KLK8: variants seen among roughly 807,000 people sequenced by gnomAD.
KLK8 encodes kallikrein related peptidase 8.
In KLK8, 18 loss-of-function variants were observed where a neutral mutation model predicts 26.7. The observed-to-expected ratio is 0.67, with a 90% CI of 0.47 to 1.00. The LOEUF (loss-of-function observed/expected upper bound fraction) is 1.00, where lower values mean the gene tolerates loss of function less well. Ranked by LOEUF, KLK8 falls within the 50% of genes least tolerant of loss-of-function variation. The probability of loss-of-function intolerance (pLI) is 0.00; values close to 1 mark genes in which losing one functional copy is unlikely to be tolerated. For synonymous variants in KLK8, 137 were observed against 127.1 expected, an observed-to-expected ratio of 1.08 and a Z score of -0.52; for missense variants, 301 against 331.7, an observed-to-expected ratio of 0.91 and a Z score of 0.72.
intron 5 of KLK8, 132 bp from the exon 5 acceptor site, chr19:50,998,016 CTG>C: frequency 9.2e-7 from 1 of 1,092,266 alleles, no homozygotes; most frequent in Admixed American, 1.9e-5. Flanking sequence ...TTTTCTGACA[CTG>C]TGCACAGGGG....
chr19:51,000,472 A>G, exon 4 of KLK8: 1 of 1,613,714 alleles, frequency 6.2e-7, no homozygotes, highest in Non-Finnish European at 8.5e-7. Flanking sequence ...ACCTACAAGG[A>G]CACCGCCACA....
intron 6 of KLK8, among the ~76,000 whole-genome samples, chr19:50,997,124 G>A (rs1397431573): frequency 6.6e-6 from 1 of 152,166 alleles, no homozygotes; most frequent in Non-Finnish European, 1.5e-5. Flanking sequence ...TCCAGGAAGT[G>A]GACAAAGCCA....
chr19:51,000,756 T>G, intron 3 of KLK8, 173 bp from the exon 3 acceptor site: 1 of 1,513,952 alleles, frequency 6.6e-7, no homozygotes, highest in East Asian at 2.3e-5. Context: ...CCATGTGTCA[T>G]CATACAAGAG....
At chr19:50,998,096 G>A in intron 5 of KLK8, 1 of 554,816 alleles carries the variant, frequency 1.8e-6, no homozygotes. Context: ...TCTAGAGAGG[G>A]GCCCTTGGAT....
In KLK8 at chr19:50,999,583, C is replaced by CAAAAAAAAAAAAAAAA. The variant is rs56988162; in HGVS notation, c.493+397_493+412dup. Among the ~76,000 whole-genome samples the CAAAAAAAAAAAAAAAA allele has an allele frequency of 8.9e-4, 27 of 30,294 alleles. 9 individuals carry two copies. Among genetic ancestry groups the CAAAAAAAAAAAAAAAA allele is most frequent in the Non-Finnish European group, 1.5e-3 (21 of 14,196 alleles). 19.9% of individuals were successfully genotyped at this position (30,294 alleles called of 152,430 possible). ...GATTGAGTGAAACTGTGTCCCCCTG[C>CAAAAAAAAAAAAAAAA]AAAAAAAAAAAAAAAAAAAAAAAAA... is the stretch of plus-strand genomic sequence containing the variant. On this transcript the variant is annotated intron_variant, in intron 5 of 6. Coordinates refer to ENST00000600767, the Ensembl canonical transcript of KLK8.
chr19:51,000,346 T>A, intron 4 of KLK8, 78 bp downstream of exon 3: 3 of 1,538,286 alleles, frequency 2.0e-6, no homozygotes, highest in South Asian at 1.2e-5. Flanking sequence ...AGTCCTCAGC[T>A]CTCTCCTTCC....
At chr19:50,999,903 C>A in intron 5 of KLK8, 93 bp downstream of exon 4, 1 of 1,330,618 alleles carries the variant, frequency 7.5e-7, no homozygotes, top group Non-Finnish European at 1.0e-6. Context: ...CCTTCTTTGT[C>A]TCCCTCTGGG....
chr19:50,996,626 G>A (rs1316263798), intron 6 of KLK8, among the ~76,000 whole-genome samples: 1 of 151,710 alleles, frequency 6.6e-6, no homozygotes, highest in Non-Finnish European at 1.5e-5. Context: ...ACAGCTACTC[G>A]GGAGGCTGAG....
intron 6 of KLK8, among the ~76,000 whole-genome samples, chr19:50,996,928 A>G: frequency 7.5e-6 from 1 of 132,488 alleles, no homozygotes; most frequent in Non-Finnish European, 1.6e-5. Context: ...ACACACACAC[A>G]CACACACACA....
In KLK8 at chr19:50,999,988, C is replaced by A. The variant is rs749848401; in HGVS notation, c.493+8G>T. ...CCTCTCCCTCCCATTAGTGGACAAG[C>A]CCACTACCTCGGGGACTGGTGACAG... On this transcript the variant is annotated splice_region_variant and intron_variant, in intron 5 of 6. Coordinates refer to ENST00000600767, the Ensembl canonical transcript of KLK8. 1 of 1,583,856 alleles carries A rather than the reference C, an allele frequency of 6.3e-7. No homozygotes were observed. The highest frequency in any genetic ancestry group is 1.3e-5 in the African/African-American group (1 of 74,434).
intron 3 of KLK8, 31 bp downstream of exon 2, chr19:51,001,066 TC>T: frequency 6.3e-7 from 1 of 1,587,298 alleles, no homozygotes; most frequent in Non-Finnish European, 8.6e-7. Flanking sequence ...TTCAGATCCC[TC>T]CCCTCCGGAG....
rs2122337429 is a variant in KLK8, at chr19:51,000,783, GC to G, written c.71-201del. The G allele has an allele frequency of 2.1e-6, 3 of 1,456,880 alleles. No homozygotes were observed. In the Admixed American group the frequency reaches 7.1e-5, roughly 34 times the overall value. 90.2% of individuals were successfully genotyped at this position (1,456,880 alleles called of 1,614,324 possible). A position where few individuals can be genotyped will look rare whatever the true frequency, so the allele number is the denominator to read the frequency against. On this transcript the variant is annotated intron_variant, in intron 3 of 6. Transcript: ENST00000600767. Reference sequence around the variant, plus strand: ...ATACAAGAGTCACACACCCAAGAATGCCCCCACATGCTTCCACATGAGTCTA... The same window carrying G: ...ATACAAGAGTCACACACCCAAGAATGCCCCACATGCTTCCACATGAGTCTA...
At chr19:50,997,769 T>G in exon 6 of KLK8, 1 of 1,613,754 alleles carries the variant, frequency 6.2e-7, no homozygotes, top group Non-Finnish European at 8.5e-7. Context: ...TGTCAGCCCC[T>G]TTGCTGCTGC....
In KLK8 at chr19:51,001,240, T is replaced by G. The variant is rs2091222823; in HGVS notation, c.-8-65A>C. ...GGAGCCTGAGCTCCCAGTTCTGGATTTGGGCACTGGGGAGGCAGCCGAGAG... is the reference window on the plus strand; with the variant it reads ...GGAGCCTGAGCTCCCAGTTCTGGATGTGGGCACTGGGGAGGCAGCCGAGAG... On this transcript the variant is annotated intron_variant, in intron 2 of 6. Coordinates refer to ENST00000600767, the Ensembl canonical transcript of KLK8. 87 of 1,447,852 alleles carry G rather than the reference T, an allele frequency of 6.0e-5. 1 individual carries two copies. The South Asian group carries it at 9.6e-4, about 16-fold the overall frequency. 89.7% of individuals were successfully genotyped at this position (1,447,852 alleles called of 1,614,324 possible). A position where few individuals can be genotyped will look rare whatever the true frequency, so the allele number is the denominator to read the frequency against.
exon 7 of KLK8, chr19:50,996,012 CAG>C (rs766653054): frequency 4.4e-6 from 7 of 1,599,988 alleles, no homozygotes; most frequent in Non-Finnish European, 6.0e-6. Flanking sequence ...GGCAAGGAAC[CAG>C]AGAGTTGTGA....
At chr19:51,000,737 C>T (rs1377790232) in intron 3 of KLK8, 154 bp from the exon 3 acceptor site, 2 of 1,522,226 alleles carry the variant, frequency 1.3e-6, no homozygotes, top group African/African-American at 1.4e-5. Flanking sequence ...CGGGGACACT[C>T]ATTTCAGTCC....
At chr19:50,999,879 T>A in intron 5 of KLK8, 117 bp downstream of exon 4, 1 of 1,099,898 alleles carries the variant, frequency 9.1e-7, no homozygotes, top group East Asian at 2.5e-5. Context: ...AATCTCAACA[T>A]CATGATCACT....
chr19:50,997,580 A>C (rs1347212316), intron 6 of KLK8, among the ~76,000 whole-genome samples, 171 bp downstream of exon 5: 5 of 151,674 alleles, frequency 3.3e-5, no homozygotes, highest in African/African-American at 1.2e-4. Context: ...ACTTTCAGAG[A>C]GAGAGTTTGG....
rs56988162 is a variant in KLK8, at chr19:50,999,583, C to CAAAAAAAAAAAAAA, written c.493+399_493+412dup. Among the ~76,000 whole-genome samples the CAAAAAAAAAAAAAA allele has an allele frequency of 1.4e-3, 42 of 30,288 alleles. 15 individuals carry two copies. Among genetic ancestry groups the CAAAAAAAAAAAAAA allele is most frequent in the Non-Finnish European group, 2.2e-3 (31 of 14,196 alleles). 19.9% of individuals were successfully genotyped at this position (30,288 alleles called of 152,430 possible). A position where few individuals can be genotyped will look rare whatever the true frequency, so the allele number is the denominator to read the frequency against. On this transcript the variant is annotated intron_variant, in intron 5 of 6. Transcript: ENST00000600767. ...GATTGAGTGAAACTGTGTCCCCCTG[C>CAAAAAAAAAAAAAA]AAAAAAAAAAAAAAAAAAAAAAAAA...
Sources: allele counts gnomAD v4.1 joint callset (sites outside exome capture counted in the v4.1 genomes callset), GRCh38; gene constraint gnomAD v4.1.1; transcripts MANE v1.5; gene names NCBI Gene and HGNC (gene_info 2026-07-23, HGNC 2026-07-21).